Variants in SNX29 observed in about 807,000 individuals in gnomAD.
SNX29 encodes the protein sorting nexin 29.
In SNX29, 78 loss-of-function variants were observed where a neutral mutation model predicts 102.1. The observed-to-expected ratio is 0.76, with a 90% CI of 0.64 to 0.92. SNX29 has a LOEUF of 0.92. SNX29 is among the 40% of genes least tolerant of loss of function. The pLI is 0.00. For missense variants in SNX29, 1,280 were observed against 1,061.7 expected, an observed-to-expected ratio of 1.21 and a Z score of -2.86; for synonymous variants, 580 against 414.5, an observed-to-expected ratio of 1.40 and a Z score of -4.85.
chr16:12,046,857 G>A (rs2050109656), intron 6 of SNX29, among the ~76,000 whole-genome samples: 1 of 152,180 alleles, frequency 6.6e-6, no homozygotes, highest in South Asian at 2.1e-4. Flanking sequence ...GGGCTCAAGT[G>A]ATCCACCCGC....
chr16:12,030,159 A>T (rs2151128625), intron 4 of SNX29, among the ~76,000 whole-genome samples: 1 of 152,302 alleles, frequency 6.6e-6, no homozygotes, highest in African/African-American at 2.4e-5. Flanking sequence ...TTGTTGGCAT[A>T]TCACTTCCAT....
At chr16:12,548,117 G>A (rs1050926937) in intron 20 of SNX29, among the ~76,000 whole-genome samples, 2 of 152,296 alleles carry the variant, frequency 1.3e-5, no homozygotes, top group Non-Finnish European at 2.9e-5. Context: ...TCTATTTCTT[G>A]GGACAAGTAG....
chr16:12,087,139 A>G (rs889938446), intron 11 of SNX29: 2 of 152,480 alleles, frequency 1.3e-5, no homozygotes, highest in Non-Finnish European at 2.9e-5. Flanking sequence ...TCATGTCTGT[A>G]ATCTCAGCAC....
At chr16:12,545,424 C>G (rs1213871197) in intron 20 of SNX29, 1 of 152,268 alleles carries the variant, frequency 6.6e-6, no homozygotes, top group Non-Finnish European at 1.5e-5. Context: ...CCTGGCCCCA[C>G]CCCTAGGATT....
intron 15 of SNX29, among the ~76,000 whole-genome samples, chr16:12,278,335 G>A (rs939390474): frequency 1.3e-5 from 2 of 152,116 alleles, no homozygotes; most frequent in Non-Finnish European, 2.9e-5. Context: ...TGAAAACAGA[G>A]AATATCACAT....
At chr16:12,095,053 A>G (rs1242480467) in intron 11 of SNX29, 2 of 152,304 alleles carry the variant, frequency 1.3e-5, no homozygotes, top group Middle Eastern at 3.4e-3. Context: ...AAGGCAGTAG[A>G]TGCATAATGA....
At chr16:12,333,479 T>A (rs1437997032) in intron 15 of SNX29, among the ~76,000 whole-genome samples, 2 of 152,080 alleles carry the variant, frequency 1.3e-5, no homozygotes, top group African/African-American at 2.4e-5. Flanking sequence ...AAGCTGAAGC[T>A]CAGAGATTAA....
intron 18 of SNX29, among the ~76,000 whole-genome samples, chr16:12,437,867 C>G (rs1003599135): frequency 2.0e-5 from 3 of 152,172 alleles, no homozygotes; most frequent in African/African-American, 7.2e-5. Flanking sequence ...CCCCCCAGCC[C>G]AGGGCCACTG....
At chr16:12,346,258 A>G (rs1398549498) in intron 15 of SNX29, among the ~76,000 whole-genome samples, 1 of 152,116 alleles carries the variant, frequency 6.6e-6, no homozygotes, top group African/African-American at 2.4e-5. Flanking sequence ...TGAAGGATGT[A>G]GATTCTACAG....
Position 12,061,610 on chromosome 16 carries a change from T to C in SNX29, c.1207T>C (p.Phe403Leu), listed in dbSNP as rs1243150098. Residue 403 changes from phenylalanine (F) to leucine (L), a missense_variant, in exon 9 of 21, where the codon TTC becomes CTC. By Grantham distance (22) the Phe-to-Leu change is conservative. Coordinates refer to ENST00000566228, the MANE Select transcript of SNX29 (RefSeq NM_032167.5). ...KVLHNDSDILFPVSGVGSYSP... is the reference protein window; with the variant it reads ...KVLHNDSDILLPVSGVGSYSP... Reference sequence around the variant, plus strand: ...GCTGCACAATGACTCCGACATCCTCTTCCCTGTCAGTGGCGTGGGCTCCTA... The same window carrying C: ...GCTGCACAATGACTCCGACATCCTCCTCCCTGTCAGTGGCGTGGGCTCCTA... The C allele has an allele frequency of 1.2e-6, 2 of 1,612,160 alleles. No homozygotes were observed. The highest frequency in any genetic ancestry group is 1.7e-6 in the Non-Finnish European group (2 of 1,179,350).
At chr16:12,046,599 C>G in intron 6 of SNX29, 145 bp downstream of exon 6, 2 of 733,402 alleles carry the variant, frequency 2.7e-6, no homozygotes, top group East Asian at 2.7e-5. Flanking sequence ...CCTTCTTTTA[C>G]TAGGACTGAA....
intron 3 of SNX29, among the ~76,000 whole-genome samples, chr16:12,026,356 C>T (rs2057190908): frequency 6.6e-6 from 1 of 152,202 alleles, no homozygotes; most frequent in Admixed American, 6.5e-5. Context: ...TAGAAACATG[C>T]ACATGAGTGA....
chr16:12,550,157 A>G (rs2077878791), intron 20 of SNX29, among the ~76,000 whole-genome samples: 3 of 152,246 alleles, frequency 2.0e-5, no homozygotes, highest in Admixed American at 6.5e-5. Flanking sequence ...TACCGCATGT[A>G]GTGATATGGA....
intron 1 of SNX29, among the ~76,000 whole-genome samples, chr16:11,984,224 A>G (rs1009807885): frequency 6.6e-6 from 1 of 151,942 alleles, no homozygotes; most frequent in African/African-American, 2.4e-5. Context: ...AGCTGGATGT[A>G]GTGGTGCATG....
At chr16:12,563,935 C>G (rs537500609) in intron 20 of SNX29, among the ~76,000 whole-genome samples, 1 of 152,334 alleles carries the variant, frequency 6.6e-6, no homozygotes, top group South Asian at 2.1e-4. Flanking sequence ...TACCTAGACG[C>G]TGATCTTGTT....
chr16:12,230,222 T>G (rs2077728889), intron 14 of SNX29, among the ~76,000 whole-genome samples: 1 of 152,256 alleles, frequency 6.6e-6, no homozygotes, highest in Non-Finnish European at 1.5e-5. Flanking sequence ...TGAAAGCTTC[T>G]GAAGCTGGTC....
intron 20 of SNX29, among the ~76,000 whole-genome samples, chr16:12,560,135 T>TA (rs1555459850): frequency 6.6e-5 from 9 of 135,394 alleles, no homozygotes; most frequent in Non-Finnish European, 1.1e-4. Context: ...TGTGTTCCCC[T>TA]CCCCCCCCCA....
intron 15 of SNX29, among the ~76,000 whole-genome samples, chr16:12,312,143 C>G (rs1180847214): frequency 1.3e-5 from 2 of 152,188 alleles, no homozygotes; most frequent in African/African-American, 4.8e-5. Context: ...CCAGCTACAA[C>G]TTGGTGGGTT....
In SNX29 at chr16:12,048,502, C is replaced by T; in HGVS notation, c.630C>T (p.Ser210=). The change falls in exon 7 of 21, where the codon TCC becomes TCT. Residue 210 remains serine, a synonymous_variant. Transcript: ENST00000566228. ...TQNVTSLLKE[S]TQGVSSLFRE... Reference sequence around the variant, plus strand: ...ACGTGACCTCCTTGCTGAAGGAGTCCACGCAAGGAGTGAGCAGCCTGTTCA... The same window carrying T: ...ACGTGACCTCCTTGCTGAAGGAGTCTACGCAAGGAGTGAGCAGCCTGTTCA... 6.2e-7 allele frequency: 1 copy of T among 1,613,906 alleles called. No individual in the cohort carries two copies. Among genetic ancestry groups the T allele is most frequent in the Non-Finnish European group, 8.5e-7 (1 of 1,179,854 alleles).
Sources: gnomAD v4.1 joint callset for allele counts (sites outside exome capture counted in the v4.1 genomes callset) on GRCh38, gnomAD v4.1.1 for gene constraint, MANE v1.5 for transcripts, NCBI Gene and HGNC (gene_info 2026-07-23, HGNC 2026-07-21) for gene names.